NCKAP1: variants seen among roughly 807,000 people sequenced by gnomAD.
The protein encoded by NCKAP1 is nck-associated protein 1.
Under a neutral mutation model 151.2 loss-of-function variants are expected in NCKAP1, and 21 were observed. That is an observed-to-expected ratio of 0.14 (90% CI 0.10 to 0.20). The LOEUF (loss-of-function observed/expected upper bound fraction) is 0.20, where lower values mean the gene tolerates loss of function less well. Ranked by LOEUF, NCKAP1 falls within the 10% of genes least tolerant of loss-of-function variation. NCKAP1 has a pLI of 1.00. For synonymous variants in NCKAP1, 484 were observed against 451.8 expected (o/e 1.07, Z -0.90); for missense variants, 933 against 1,352.1 (o/e 0.69, Z 4.86).
intron 28 of NCKAP1, 92 bp downstream of exon 28, chr2:182,928,691 C>T (rs1696698270): frequency 5.0e-6 from 4 of 800,036 alleles, no homozygotes; most frequent in Non-Finnish European, 5.9e-6. Flanking sequence ...TGTTCCACTG[C>T]CAGTTAGTGG....
At chr2:182,968,367 A>C (rs1697619303) in intron 15 of NCKAP1, among the ~76,000 whole-genome samples, 2 of 152,218 alleles carry the variant, frequency 1.3e-5, no homozygotes, top group South Asian at 4.1e-4. Context: ...AAACAGAATT[A>C]TAGATGATGG....
intron 2 of NCKAP1, among the ~76,000 whole-genome samples, chr2:183,004,285 T>C (rs1698425645): frequency 6.6e-6 from 1 of 152,070 alleles, no homozygotes; most frequent in African/African-American, 2.4e-5. Flanking sequence ...TGGCTCAAAA[T>C]AGCAGATTTG....
intron 8 of NCKAP1, among the ~76,000 whole-genome samples, chr2:182,993,494 G>A (rs1267926392): frequency 2.0e-5 from 3 of 152,152 alleles, no homozygotes; most frequent in Non-Finnish European, 4.4e-5. Context: ...CTATATTACA[G>A]AAATTCTCAT....
At chr2:183,003,371 A>G (rs778773296) in intron 2 of NCKAP1, 46 bp from the exon 3 acceptor site, 4 of 1,123,172 alleles carry the variant, frequency 3.6e-6, no homozygotes. Flanking sequence ...GAACAAAAGT[A>G]TTTAATTTTA....
At chr2:182,977,009 T>C (rs1299713824) in intron 14 of NCKAP1, 58 bp from the exon 15 acceptor site, 2 of 1,211,990 alleles carry the variant, frequency 1.7e-6, no homozygotes, top group Non-Finnish European at 2.3e-6. Context: ...TCACAATCTA[T>C]AAGCACATTT....
At chr2:183,030,520 T>C (rs1257737454) in intron 1 of NCKAP1, among the ~76,000 whole-genome samples, 1 of 152,214 alleles carries the variant, frequency 6.6e-6, no homozygotes, top group Non-Finnish European at 1.5e-5. Context: ...GTGAGAATGC[T>C]ATTCGTGAGG....
intron 10 of NCKAP1, among the ~76,000 whole-genome samples, chr2:182,984,472 G>C (rs1698010021): frequency 6.7e-6 from 1 of 150,192 alleles, no homozygotes; most frequent in Non-Finnish European, 1.5e-5. Flanking sequence ...AAAAACCCAA[G>C]TATAAAGAAT....
At chr2:182,952,219 T>C (rs1477868739) in intron 23 of NCKAP1, among the ~76,000 whole-genome samples, 186 bp downstream of exon 23, 5 of 152,190 alleles carry the variant, frequency 3.3e-5, no homozygotes, top group Non-Finnish European at 7.3e-5. Flanking sequence ...TTTTCTCACC[T>C]ACAAAATAGA....
chr2:182,969,836 A>C (rs1487599760), intron 15 of NCKAP1, among the ~76,000 whole-genome samples: 1 of 152,086 alleles, frequency 6.6e-6, no homozygotes, highest in Non-Finnish European at 1.5e-5. Flanking sequence ...AATACAAAAG[A>C]TCAACAAAAT....
intron 24 of NCKAP1, among the ~76,000 whole-genome samples, chr2:182,940,603 C>T (rs1411498549): frequency 6.6e-6 from 1 of 152,138 alleles, no homozygotes; most frequent in Non-Finnish European, 1.5e-5. Flanking sequence ...CCATGCCTGG[C>T]TAATTTTTGT....
chr2:182,998,055 T>C (rs1698303599), intron 6 of NCKAP1, among the ~76,000 whole-genome samples: 1 of 152,076 alleles, frequency 6.6e-6, no homozygotes, highest in Non-Finnish European at 1.5e-5. Flanking sequence ...ATTAACCACA[T>C]AAACAAAAAT....
intron 16 of NCKAP1, among the ~76,000 whole-genome samples, chr2:182,966,448 G>C (rs997504788): frequency 6.6e-6 from 1 of 151,958 alleles, no homozygotes; most frequent in African/African-American, 2.4e-5. Context: ...CACCACGTCC[G>C]ACTAATTTTT....
chr2:182,925,430 C>T lies in NCKAP1; in HGVS notation c.*272G>A. The T allele has an allele frequency of 5.2e-6, 1 of 191,762 alleles. No individual in the cohort carries two copies. The allele number at this position is 191,762 out of a possible 1,614,324, so 11.9% of individuals were successfully genotyped here. On this transcript the variant is annotated 3_prime_UTR_variant, in exon 31 of 31. Coordinates refer to ENST00000361354, the MANE Select transcript of NCKAP1 (RefSeq NM_013436.5). ...AAAGATTTTTTTCATTATCAAATAT[C>T]AAAAACATGTTGATAATGTATGTTT...
intron 20 of NCKAP1, 131 bp downstream of exon 20, chr2:182,956,331 C>T (rs1057057420): frequency 1.3e-5 from 16 of 1,192,408 alleles, no homozygotes; most frequent in Middle Eastern, 2.9e-4. Flanking sequence ...TGAGCCACCA[C>T]GCCCGGCCCG....
chr2:182,984,206 T>C (rs1043017617), intron 10 of NCKAP1, among the ~76,000 whole-genome samples: 3 of 152,062 alleles, frequency 2.0e-5, no homozygotes, highest in Non-Finnish European at 2.9e-5. Context: ...AATAAAGGTA[T>C]TGGGATGAGA....
chr2:182,953,198 T>C lies in NCKAP1; in HGVS notation c.2287A>G (p.Arg763Gly). ...IENYVQIDIT[R>G]VFNNVLLQQT... Reference sequence around the variant, plus strand: ...TGAAGAAGCACATTATTAAATACTCTTGTAATATCAATCTGCACATAGTTT... The same window carrying C: ...TGAAGAAGCACATTATTAAATACTCCTGTAATATCAATCTGCACATAGTTT... The change falls in exon 21 of 31, where the codon AGA (arginine) becomes GGA (glycine). Residue 763 changes from arginine (R) to glycine (G), a missense_variant. Around this residue, in one of 2 missense-constraint regions of NCKAP1, gnomAD observed 326 missense variants for 557.1 expected, o/e 0.59. Coordinates refer to ENST00000361354, the MANE Select transcript of NCKAP1 (RefSeq NM_013436.5). The C allele has an allele frequency of 6.2e-7, 1 of 1,613,034 alleles. No homozygotes were observed. Among genetic ancestry groups the C allele is most frequent in the Non-Finnish European group, 8.5e-7 (1 of 1,179,124 alleles).
rs780794616 is a variant in NCKAP1 at position 182,954,806 on chromosome 2, T to TAAA, written c.2154-1476_2154-1475insTTT. The stretch of plus-strand genomic sequence containing the variant: ...GTCTCAAAATAAATAAATAAATAAA[T>TAAA]TAAATAAAATAAAAAATCTTTCCAA... On this transcript the variant is annotated intron_variant, in intron 20 of 30. Transcript: ENST00000361354. Among the ~76,000 whole-genome samples, 480 of 151,080 alleles carry TAAA rather than the reference T, an allele frequency of 3.2e-3. 2 individuals are homozygous for TAAA. The highest frequency in any genetic ancestry group is 0.014 in the Middle Eastern group (4 of 294).
intron 6 of NCKAP1, among the ~76,000 whole-genome samples, chr2:182,999,669 A>G (rs1041108697): frequency 4.6e-5 from 7 of 152,188 alleles, no homozygotes; most frequent in Non-Finnish European, 8.8e-5. Context: ...TCAAAGGAAA[A>G]TAAACTGTTC....
chr2:182,940,353 C>G (rs1465899740), intron 24 of NCKAP1, among the ~76,000 whole-genome samples: 1 of 152,106 alleles, frequency 6.6e-6, no homozygotes, highest in African/African-American at 2.4e-5. Context: ...TCATACTCCT[C>G]CCTATAATGC....
Sources: gnomAD v4.1 joint callset for allele counts (sites outside exome capture counted in the v4.1 genomes callset) on GRCh38, gnomAD v4.1.1 for gene constraint, gnomAD v4.1.1 regional missense constraint, MANE v1.5 for transcripts, NCBI Gene and HGNC (gene_info 2026-07-23, HGNC 2026-07-21) for gene names.